CD36: variants seen among roughly 807,000 people sequenced by gnomAD.
CD36 encodes the protein platelet glycoprotein 4.
A neutral mutation model predicts 55.2 loss-of-function variants in CD36; 119 were observed. That is an observed-to-expected ratio of 2.15 (90% CI 1.86 to 2.51). The LOEUF is 2.51. CD36 is among the 30% of genes most tolerant of loss of function. The pLI is 0.00. For synonymous variants in CD36, 186 were observed against 193.6 expected (o/e 0.96, Z 0.33); for missense variants, 819 against 555.5 (o/e 1.47, Z -4.77).
intron 4 of CD36, among the ~76,000 whole-genome samples, chr7:80,659,021 C>T (rs537592673): frequency 6.6e-6 from 1 of 152,180 alleles, no homozygotes; most frequent in South Asian, 2.1e-4. Flanking sequence ...TTTTAGAATC[C>T]ATAAATAGCT....
intron 1 of CD36, among the ~76,000 whole-genome samples, chr7:80,616,568 C>G (rs1026869714): frequency 2.0e-5 from 3 of 152,026 alleles, no homozygotes; most frequent in Admixed American, 2.0e-4. Context: ...TTGACAAATA[C>G]TATGAAAATA....
chr7:80,602,307 C>T (rs780011258), exon 1 of CD36: 5 of 152,114 alleles, frequency 3.3e-5, no homozygotes, highest in Non-Finnish European at 7.4e-5. Flanking sequence ...TTACTTTCTG[C>T]ATCTGCTCCT....
intron 3 of CD36, among the ~76,000 whole-genome samples, chr7:80,651,763 A>G (rs765582999): frequency 1.3e-5 from 2 of 152,024 alleles, no homozygotes; most frequent in African/African-American, 2.4e-5. Context: ...CAAAAAAATT[A>G]GCTGGATATG....
intron 14 of CD36, 194 bp from the exon 15 acceptor site, chr7:80,676,190 G>A (rs1436009259): frequency 6.6e-6 from 1 of 152,114 alleles, no homozygotes; most frequent in East Asian, 1.9e-4. Context: ...AATTGGATAT[G>A]CTTTACTTTT....
chr7:80,673,495 T>G (rs1797936198), intron 13 of CD36, 86 bp downstream of exon 13: 2 of 828,168 alleles, frequency 2.4e-6, no homozygotes, highest in East Asian at 4.9e-5. Flanking sequence ...TGTATAGTAT[T>G]TAAAGCTATA....
chr7:80,661,058 T>C lies in CD36; in HGVS notation c.282-5T>C. On this transcript the variant is annotated splice_region_variant and splice_polypyrimidine_tract_variant and intron_variant, in intron 4 of 14. Coordinates refer to ENST00000447544, the MANE Select transcript of CD36 (RefSeq NM_001001548.3). The stretch of plus-strand genomic sequence containing the variant: ...TTTGAATTTTGTTTACTGCTATTTC[T>C]TTAGAGTTCGTTTTCTAGCCAAGGA... 1 of 1,610,034 alleles carries C rather than the reference T, an allele frequency of 6.2e-7. No homozygotes were observed. The highest frequency in any genetic ancestry group is 8.5e-7 in the Non-Finnish European group (1 of 1,176,284).
intron 1 of CD36, among the ~76,000 whole-genome samples, chr7:80,616,230 A>G (rs1277218335): frequency 6.6e-6 from 1 of 152,206 alleles, no homozygotes; most frequent in East Asian, 1.9e-4. Flanking sequence ...ATATGTGCTC[A>G]GAACACTTAC....
At chr7:80,672,479 A>G (rs558597416) in intron 11 of CD36, among the ~76,000 whole-genome samples, 1 of 151,952 alleles carries the variant, frequency 6.6e-6, no homozygotes, top group East Asian at 1.9e-4. Context: ...ACCAGGAATT[A>G]TCTGAGATCT....
At chr7:80,661,240 T>A (rs1173374717) in intron 5 of CD36, 30 bp downstream of exon 5, 1 of 1,593,600 alleles carries the variant, frequency 6.3e-7, no homozygotes, top group East Asian at 2.2e-5. Flanking sequence ...AGTTATCTAT[T>A]TTAAAATACT....
chr7:80,617,742 A>C (rs1793246353), intron 1 of CD36, among the ~76,000 whole-genome samples: 1 of 152,070 alleles, frequency 6.6e-6, no homozygotes, highest in Non-Finnish European at 1.5e-5. Flanking sequence ...AAAAAAAAAA[A>C]AAAATTGTTG....
At chr7:80,649,892 G>C (rs1012500243) in intron 3 of CD36, among the ~76,000 whole-genome samples, 1 of 151,946 alleles carries the variant, frequency 6.6e-6, no homozygotes, top group Non-Finnish European at 1.5e-5. Context: ...GAAGTTAATA[G>C]GAGGCCAGAA....
chr7:80,607,854 C>G (rs1221121747), intron 1 of CD36, among the ~76,000 whole-genome samples: 1 of 152,146 alleles, frequency 6.6e-6, no homozygotes, highest in Non-Finnish European at 1.5e-5. Context: ...TCACTGCAAC[C>G]TCCTCCTCCC....
At chr7:80,655,528 A>G (rs1359347467) in intron 3 of CD36, among the ~76,000 whole-genome samples, 1 of 152,166 alleles carries the variant, frequency 6.6e-6, no homozygotes, top group Non-Finnish European at 1.5e-5. Context: ...AGTGATTTTT[A>G]GTGGATTTCA....
rs752886472 is a variant in CD36, at chr7:80,672,000, C to CAAATGAAGAAGAACATAGGACATA, written c.1086_1109dup (p.Thr369_Tyr370insTer). The CAAATGAAGAAGAACATAGGACATA allele has an allele frequency of 1.9e-5, 31 of 1,608,268 alleles. No individual in the cohort carries two copies. The highest frequency in any genetic ancestry group is 2.5e-5 in the Non-Finnish European group (29 of 1,175,692). ...TCAGAACCTATTGATGGATTAAACC[C>CAAATGAAGAAGAACATAGGACATA]AAATGAAGAAGAACATAGGACATAC... is the stretch of plus-strand genomic sequence containing the variant. On this transcript the variant is annotated stop_gained and inframe_insertion, in exon 11 of 15. Transcript: ENST00000447544. LOFTEE classifies it high-confidence loss of function.
intron 9 of CD36, chr7:80,670,384 G>T (rs1267483570): frequency 6.9e-6 from 2 of 290,770 alleles, no homozygotes; most frequent in East Asian, 1.8e-4. Context: ...ACAAGCACTG[G>T]AGCCTTTACC....
chr7:80,624,039 G>A (rs1359689246), intron 1 of CD36: 1 of 152,196 alleles, frequency 6.6e-6, no homozygotes, highest in African/African-American at 2.4e-5. Context: ...ACACTAGGAG[G>A]TGGGACTGAC....
At chr7:80,660,986 G>T in intron 4 of CD36, 77 bp from the exon 5 acceptor site, 1 of 1,083,482 alleles carries the variant, frequency 9.2e-7, no homozygotes, top group East Asian at 2.4e-5. Context: ...AAAATCATTT[G>T]TTGAATGAAT....
chr7:80,676,319 A>G (rs997981633), intron 14 of CD36, 65 bp from the exon 15 acceptor site: 1 of 151,890 alleles, frequency 6.6e-6, no homozygotes, highest in Non-Finnish European at 1.5e-5. Flanking sequence ...ACCTTGCACA[A>G]AAAAAAACCC....
At chr7:80,661,510 C>T (rs1408836719) in intron 5 of CD36, among the ~76,000 whole-genome samples, 1 of 152,052 alleles carries the variant, frequency 6.6e-6, no homozygotes, top group Non-Finnish European at 1.5e-5. Context: ...ACATTTGTTT[C>T]AGTATGTCTT....
Sources: allele counts gnomAD v4.1 joint callset (sites outside exome capture counted in the v4.1 genomes callset), GRCh38; gene constraint gnomAD v4.1.1; transcripts MANE v1.5; gene names NCBI Gene and HGNC (gene_info 2026-07-23, HGNC 2026-07-21).